The following ASRGL1 variants were observed in gnomAD, a reference collection of about 807,000 sequenced individuals.
The protein encoded by ASRGL1 is asparaginase and isoaspartyl peptidase 1.
Under a neutral mutation model 22.4 loss-of-function variants are expected in ASRGL1, and 16 were observed. The observed-to-expected ratio is 0.71, with a 90% CI of 0.48 to 1.08. ASRGL1 has a LOEUF of 1.08. Among genes scored for constraint, ASRGL1 ranks in the 50% least tolerant of loss-of-function variants. The pLI, the probability that ASRGL1 is intolerant of heterozygous loss-of-function variation, is 0.00. For synonymous variants in ASRGL1, 165 were observed against 159.3 expected (o/e 1.04, Z -0.27); for missense variants, 412 against 410.1 (o/e 1.00, Z -0.04).
chr11:62,339,777 G>C (rs951677), intron 2 of ASRGL1, among the ~76,000 whole-genome samples: 135,821 of 152,222 alleles, frequency 0.89, 60,651 homozygotes, highest in East Asian at 1. Flanking sequence ...GATTAACTTG[G>C]TGGAAGACAT....
At chr11:62,383,134 T>G (rs979841267) in intron 4 of ASRGL1, 6 of 152,184 alleles carry the variant, frequency 3.9e-5, no homozygotes, top group African/African-American at 1.4e-4. Flanking sequence ...AAATCAGTAT[T>G]CATTTCTAAA....
chr11:62,391,787 T>TC (rs1189612880), intron 6 of ASRGL1, 155 bp downstream of exon 6: 10 of 982,616 alleles, frequency 1.0e-5, no homozygotes, highest in Non-Finnish European at 1.5e-6. Context: ...CTCTCCGCCT[T>TC]CCCTTAGGTC....
chr11:62,388,856 C>T (rs74810260), intron 4 of ASRGL1, among the ~76,000 whole-genome samples: 2,836 of 152,002 alleles, frequency 0.019, 82 homozygotes, highest in Non-Finnish European at 0.022. Flanking sequence ...ATGATGGGGA[C>T]AAAGAGACAC....
At chr11:62,371,071 T>C in intron 4 of ASRGL1, 1 of 550,444 alleles carries the variant, frequency 1.8e-6, no homozygotes, top group South Asian at 3.3e-5. Context: ...CTCCGATCCG[T>C]CTTTTAGTTG....
intron 2 of ASRGL1, among the ~76,000 whole-genome samples, chr11:62,349,653 G>C (rs776817099): frequency 2.8e-4 from 42 of 152,096 alleles, no homozygotes; most frequent in Non-Finnish European, 5.1e-4. Flanking sequence ...GACGGGTCCC[G>C]ATCCAGACCC....
intron 2 of ASRGL1, among the ~76,000 whole-genome samples, chr11:62,353,947 G>T (rs1293025670): frequency 6.6e-6 from 1 of 152,172 alleles, no homozygotes; most frequent in East Asian, 1.9e-4. Flanking sequence ...CACACACCTG[G>T]ATTTGATTCC....
chr11:62,386,461 A>T (rs200104714), intron 4 of ASRGL1, among the ~76,000 whole-genome samples: 1 of 152,182 alleles, frequency 6.6e-6, no homozygotes, highest in Non-Finnish European at 1.5e-5. Context: ...TGTACATATC[A>T]TACATATCAT....
chr11:62,379,854 T>C (rs949639755), intron 4 of ASRGL1, among the ~76,000 whole-genome samples: 1 of 152,166 alleles, frequency 6.6e-6, no homozygotes, highest in Non-Finnish European at 1.5e-5. Flanking sequence ...TTGCAGGGCC[T>C]GAGGCTGGCC....
At chr11:62,345,381 G>C (rs1945991402) in intron 2 of ASRGL1, among the ~76,000 whole-genome samples, 1 of 152,208 alleles carries the variant, frequency 6.6e-6, no homozygotes, top group East Asian at 1.9e-4. Flanking sequence ...TAATTCTCCT[G>C]CCTCAGCCTC....
chr11:62,363,474 C>T (rs1946534399), intron 4 of ASRGL1, among the ~76,000 whole-genome samples: 2 of 152,076 alleles, frequency 1.3e-5, no homozygotes, highest in African/African-American at 2.4e-5. Flanking sequence ...AATTGAATAA[C>T]ATTCTCCTGT....
intron 4 of ASRGL1, chr11:62,382,614 G>T (rs1472125029): frequency 6.6e-6 from 1 of 151,774 alleles, no homozygotes; most frequent in Non-Finnish European, 1.5e-5. Flanking sequence ...ACTGCAAAGA[G>T]GCCTTCCTCT....
intron 4 of ASRGL1, among the ~76,000 whole-genome samples, chr11:62,375,730 G>T (rs1946909304): frequency 6.6e-6 from 1 of 151,484 alleles, no homozygotes; most frequent in Non-Finnish European, 1.5e-5. Context: ...CAAATTAAGG[G>T]CGGGAAAGCC....
At chr11:62,368,963 A>G (rs933369031) in intron 4 of ASRGL1, among the ~76,000 whole-genome samples, 2 of 152,186 alleles carry the variant, frequency 1.3e-5, no homozygotes, top group African/African-American at 2.4e-5. Flanking sequence ...AGCAGGAGAC[A>G]GATGCCTTCC....
At chr11:62,372,098 C>A in intron 4 of ASRGL1, 1 of 776,504 alleles carries the variant, frequency 1.3e-6, no homozygotes, top group Non-Finnish European at 2.3e-6. Context: ...TGCACACAGC[C>A]TCCTCATCAC....
intron 4 of ASRGL1, among the ~76,000 whole-genome samples, chr11:62,369,007 T>C (rs191374023): frequency 2.0e-5 from 3 of 152,256 alleles, no homozygotes; most frequent in Non-Finnish European, 4.4e-5. Flanking sequence ...CTTCCTCTTT[T>C]ACTAATCCTC....
chr11:62,372,305 G>A, intron 4 of ASRGL1: 3 of 1,603,160 alleles, frequency 1.9e-6, no homozygotes, highest in East Asian at 2.2e-5. Flanking sequence ...ACAAGATGGG[G>A]CAGCTGGGCC....
intron 2 of ASRGL1, among the ~76,000 whole-genome samples, chr11:62,344,085 A>G (rs571197217): frequency 6.6e-6 from 1 of 151,912 alleles, no homozygotes; most frequent in African/African-American, 2.4e-5. Context: ...TTTAGTAGAC[A>G]TGGGGTTTCA....
intron 2 of ASRGL1, among the ~76,000 whole-genome samples, chr11:62,345,548 C>A (rs999891831): frequency 6.6e-5 from 10 of 152,122 alleles, no homozygotes; most frequent in African/African-American, 1.4e-4. Context: ...GGATAACAGA[C>A]GTGAGCCACC....
chr11:62,382,516 C>T (rs1177115476), intron 4 of ASRGL1: 1 of 151,998 alleles, frequency 6.6e-6, no homozygotes, highest in Non-Finnish European at 1.5e-5. Flanking sequence ...TCTCCTATCT[C>T]AGTAAATAGA....
Sources: gnomAD v4.1 joint callset for allele counts (sites outside exome capture counted in the v4.1 genomes callset) on GRCh38, gnomAD v4.1.1 for gene constraint, MANE v1.5 for transcripts, NCBI Gene and HGNC (gene_info 2026-07-23, HGNC 2026-07-21) for gene names.